Variants in NFIB observed in about 807,000 individuals in gnomAD.
NFIB encodes nuclear factor 1 B-type.
In NFIB, 11 loss-of-function variants were observed where a neutral mutation model predicts 61.5. The ratio of observed to expected loss-of-function variants is 0.18; its 90% confidence interval spans 0.11 to 0.30. NFIB has a LOEUF of 0.30. Ranked by LOEUF, NFIB falls within the 10% of genes least tolerant of loss-of-function variation. The pLI is 1.00. For missense variants in NFIB, 471 were observed against 608.9 expected (o/e 0.77, Z 2.38); for synonymous variants, 260 against 216.5 (o/e 1.20, Z -1.76).
the NFIB span, among the ~76,000 whole-genome samples, chr9:14,448,672 T>G: frequency 2.6e-5 from 4 of 152,174 alleles, no homozygotes; most frequent in African/African-American, 2.4e-5. Context: ...AGGGTAGGAC[T>G]TTTATTTTCT....
rs138274241 is a variant in NFIB, at chr9:14,101,598, C to A, written c.1467+11401G>T. 2.0e-5 allele frequency among the ~76,000 whole-genome samples: 3 copies of A among 152,334 alleles called. No individual in the cohort carries two copies. In the East Asian group the frequency reaches 5.8e-4, roughly 29 times the overall value. Reference sequence around the variant, plus strand: ...CCTTCTGGGATTACCTCACTCTCTTCTGCCAATTTTTATTTCTTATTACTT... The same window carrying A: ...CCTTCTGGGATTACCTCACTCTCTTATGCCAATTTTTATTTCTTATTACTT... On this transcript the variant is annotated intron_variant, in intron 10 of 10. Coordinates refer to ENST00000380953, the MANE Select transcript of NFIB (RefSeq NM_001190737.2).
chr9:14,311,330 A>G (rs929987308), intron 1 of NFIB, among the ~76,000 whole-genome samples: 11 of 152,136 alleles, frequency 7.2e-5, no homozygotes, highest in Non-Finnish European at 1.5e-4. Context: ...TTCTACAGCT[A>G]CTAGGCTCTT....
At chr9:14,490,509 GA>G in the NFIB span, among the ~76,000 whole-genome samples, 1 of 152,026 alleles carries the variant, frequency 6.6e-6, no homozygotes, top group Non-Finnish European at 1.5e-5. Context: ...ATACTATGAA[GA>G]AGTGAAAAGA....
intron 1 of NFIB, among the ~76,000 whole-genome samples, chr9:14,350,867 A>G (rs917540993): frequency 2.6e-5 from 4 of 152,074 alleles, no homozygotes; most frequent in African/African-American, 9.7e-5. Context: ...CCTGCCTGCA[A>G]ATATTGGCAC....
At chr9:14,145,129 AGG>A (rs35601408) in intron 6 of NFIB, among the ~76,000 whole-genome samples, 2 of 151,366 alleles carry the variant, frequency 1.3e-5, no homozygotes, top group African/African-American at 2.4e-5. Context: ...ATTCCGTCTG[AGG>A]GGGGGGTCTC....
chr9:14,142,789 A>G (rs1021054952), intron 6 of NFIB, among the ~76,000 whole-genome samples: 1 of 152,184 alleles, frequency 6.6e-6, no homozygotes, highest in African/African-American at 2.4e-5. Flanking sequence ...GAAAAGCAAT[A>G]TCCAAAAAAG....
chr9:14,420,047 C>T, the NFIB span, among the ~76,000 whole-genome samples: 51 of 152,232 alleles, frequency 3.4e-4, no homozygotes, highest in African/African-American at 1.2e-3. Context: ...GCTCACTCTG[C>T]AGGCTCTATA....
chr9:14,379,685 A>G (rs1225797963), intron 1 of NFIB, among the ~76,000 whole-genome samples: 2 of 151,778 alleles, frequency 1.3e-5, no homozygotes, highest in African/African-American at 4.8e-5. Context: ...TTATTTATTT[A>G]TTTATTTATT....
the NFIB span, among the ~76,000 whole-genome samples, chr9:14,521,352 T>A: frequency 1.3e-5 from 2 of 152,212 alleles, no homozygotes; most frequent in Non-Finnish European, 2.9e-5. Context: ...AATGTTCTGT[T>A]CAGAAGTCCT....
the NFIB span, among the ~76,000 whole-genome samples, chr9:14,527,557 C>T: frequency 6.6e-6 from 1 of 152,160 alleles, no homozygotes; most frequent in South Asian, 2.1e-4. Context: ...TGATGTCGAT[C>T]ACCCCCCTCC....
At chr9:14,452,659 T>C in the NFIB span, among the ~76,000 whole-genome samples, 1 of 152,160 alleles carries the variant, frequency 6.6e-6, no homozygotes. Flanking sequence ...TTTGGCCCTA[T>C]TCCCTAGTAG....
chr9:14,500,019 G>T, the NFIB span, among the ~76,000 whole-genome samples: 17 of 152,164 alleles, frequency 1.1e-4, no homozygotes, highest in Non-Finnish European at 2.5e-4. Flanking sequence ...CGGAGAGCGG[G>T]CACTCAATTA....
intron 2 of NFIB, among the ~76,000 whole-genome samples, chr9:14,248,149 G>T (rs2055150841): frequency 6.6e-6 from 1 of 151,396 alleles, no homozygotes; most frequent in African/African-American, 2.4e-5. Context: ...GCCCAGGCTG[G>T]TCTTGAACTC....
chr9:14,208,593 C>T (rs1451471853), intron 2 of NFIB, among the ~76,000 whole-genome samples: 1 of 149,644 alleles, frequency 6.7e-6, no homozygotes, highest in Non-Finnish European at 1.5e-5. Context: ...GGACTCTTCA[C>T]AAGTACTTTT....
At chr9:14,447,177 C>A in the NFIB span, among the ~76,000 whole-genome samples, 40 of 152,134 alleles carry the variant, frequency 2.6e-4, no homozygotes, top group Middle Eastern at 0.01. Context: ...TTCAAGTTTG[C>A]AATTTATTTC....
At chr9:14,471,252 T>C in the NFIB span, among the ~76,000 whole-genome samples, 3 of 152,364 alleles carry the variant, frequency 2.0e-5, no homozygotes, top group African/African-American at 7.2e-5. Flanking sequence ...ATCACTGATG[T>C]TACGCATGTA....
At chr9:14,401,778 A>G (rs923355729), upstream of NFIB, among the ~76,000 whole-genome samples, 6 of 152,148 alleles carry the variant, frequency 3.9e-5, no homozygotes, top group Non-Finnish European at 7.3e-5. Context: ...GGCACATCCT[A>G]GGCTTTGTAA....
At chr9:14,419,734 C>A in the NFIB span, among the ~76,000 whole-genome samples, 2 of 152,126 alleles carry the variant, frequency 1.3e-5, no homozygotes, top group Non-Finnish European at 2.9e-5. Flanking sequence ...CAACACCGAC[C>A]CTTTGACAGT....
intron 2 of NFIB, among the ~76,000 whole-genome samples, chr9:14,255,447 A>G (rs2056128065): frequency 6.6e-6 from 1 of 152,172 alleles, no homozygotes; most frequent in Non-Finnish European, 1.5e-5. Context: ...TTGTTTTACA[A>G]TTCTCATGAA....
Sources: allele counts gnomAD v4.1 joint callset (sites outside exome capture counted in the v4.1 genomes callset), GRCh38; gene constraint gnomAD v4.1.1; transcripts MANE v1.5; gene names NCBI Gene and HGNC (gene_info 2026-07-23, HGNC 2026-07-21).